Variants in SH2D3C observed in about 807,000 individuals in gnomAD.
SH2D3C encodes SH2 domain-containing protein 3C.
Under a neutral mutation model 75.2 loss-of-function variants are expected in SH2D3C, and 25 were observed. The ratio of observed to expected loss-of-function variants is 0.33; its 90% confidence interval spans 0.24 to 0.46. SH2D3C has a LOEUF of 0.46. SH2D3C is among the 20% of genes least tolerant of loss of function. SH2D3C has a pLI of 1.00. For missense variants in SH2D3C, 933 were observed against 1,165.3 expected (o/e 0.80, Z 2.90); for synonymous variants, 450 against 473.7 (o/e 0.95, Z 0.65).
intron 2 of SH2D3C, among the ~76,000 whole-genome samples, chr9:127,764,331 C>A (rs533702385): frequency 6.6e-6 from 1 of 152,296 alleles, no homozygotes; most frequent in Admixed American, 6.5e-5. Context: ...TCACCATGTC[C>A]AGTTACAATC....
intron 6 of SH2D3C, among the ~76,000 whole-genome samples, chr9:127,745,333 C>A (rs995822526): frequency 3.3e-5 from 5 of 152,076 alleles, no homozygotes; most frequent in Admixed American, 3.3e-4. Flanking sequence ...CACCCTGAGG[C>A]TGCTGCAGCC....
chr9:127,755,151 C>G, intron 3 of SH2D3C: 1 of 1,218,906 alleles, frequency 8.2e-7, no homozygotes, highest in Non-Finnish European at 1.0e-6. Flanking sequence ...GGCTGCACCG[C>G]TCGGTCATGG....
chr9:127,762,186 C>T, intron 2 of SH2D3C: 1 of 1,184,912 alleles, frequency 8.4e-7, no homozygotes, highest in Non-Finnish European at 1.1e-6. Context: ...TGCGGAGCCA[C>T]TGCCGGTGCT....
At chr9:127,753,624 G>A (rs1186240115) in intron 3 of SH2D3C, among the ~76,000 whole-genome samples, 1 of 152,172 alleles carries the variant, frequency 6.6e-6, no homozygotes, top group Admixed American at 6.5e-5. Context: ...TCTCCAAGGG[G>A]TCCCCTACTT....
intron 2 of SH2D3C, chr9:127,771,388 G>T (rs764653511): frequency 1.5e-6 from 2 of 1,321,666 alleles, no homozygotes; most frequent in East Asian, 3.1e-5. Context: ...CTCCTTGCCC[G>T]GCCCCACTCC....
At chr9:127,778,558 T>C in intron 1 of SH2D3C, 33 bp downstream of exon 1, 1 of 1,553,690 alleles carries the variant, frequency 6.4e-7, no homozygotes, top group Non-Finnish European at 8.9e-7. Context: ...GAGCCAGGGA[T>C]GGAGGACAGT....
Position 127,774,073 on chromosome 9 carries a change from C to T in SH2D3C, c.432G>A (p.Val144=), listed in dbSNP as rs1845775089. The T allele has an allele frequency of 1.2e-6, 2 of 1,614,096 alleles. No homozygotes were observed. Among genetic ancestry groups the T allele is most frequent in the South Asian group, 1.1e-5 (1 of 91,082 alleles). ...TPAMEPNPSA[V]EVDPIRKPEV... is the part of the protein sequence containing the mutation. Reference sequence around the variant, plus strand: ...CAGGCTTTCTGATGGGGTCTACCTCCACTGCTGAAGGGTTGGGTTCCATTG... The same window carrying T: ...CAGGCTTTCTGATGGGGTCTACCTCTACTGCTGAAGGGTTGGGTTCCATTG... The change falls in exon 2 of 12, where the codon GTG becomes GTA. Residue 144 remains valine, a synonymous_variant. Coordinates refer to ENST00000314830, the MANE Select transcript of SH2D3C (RefSeq NM_170600.3). The surrounding 1 kb of genome is among the most constrained non-coding windows in gnomAD (Gnocchi z 4.3).
At chr9:127,740,718 T>C (rs1844829694) in intron 9 of SH2D3C, among the ~76,000 whole-genome samples, 1 of 152,252 alleles carries the variant, frequency 6.6e-6, no homozygotes, top group South Asian at 2.1e-4. Flanking sequence ...TCTCATTCTG[T>C]CACCCAGGCT....
Position 127,767,124 on chromosome 9 carries a change from C to T in SH2D3C, c.516-5474G>A, listed in dbSNP as rs1327704111. On this transcript the variant is annotated intron_variant, in intron 2 of 11. Transcript: ENST00000314830. ...TCTGCTCCCTCTCCACCGTCTGGAG[C>T]CCTCAGTTTTCCTGAGTGGGCTGCA... 7.8e-6 allele frequency: 12 copies of T among 1,535,822 alleles called. No homozygotes were observed. In the East Asian group the frequency reaches 1.2e-4, roughly 16 times the overall value.
intron 2 of SH2D3C, among the ~76,000 whole-genome samples, chr9:127,762,996 C>G (rs1845566025): frequency 1.3e-5 from 2 of 152,234 alleles, no homozygotes; most frequent in African/African-American, 4.8e-5. Flanking sequence ...CGACAGCCAC[C>G]CTGCCGACCC....
chr9:127,760,862 CTTT>C (rs534276504), intron 3 of SH2D3C, among the ~76,000 whole-genome samples: 9 of 151,254 alleles, frequency 6.0e-5, no homozygotes, highest in African/African-American at 1.2e-4. Flanking sequence ...ACTGCATTTT[CTTT>C]TTTTTTCTTT....
At chr9:127,772,671 C>T (rs1331517710) in intron 2 of SH2D3C, among the ~76,000 whole-genome samples, 2 of 152,020 alleles carry the variant, frequency 1.3e-5, no homozygotes, top group East Asian at 1.9e-4. Flanking sequence ...AGGGGTCTCC[C>T]GGGGTGTGAA....
chr9:127,761,646 C>T lies in SH2D3C; in HGVS notation c.520G>A (p.Ala174Thr). Residue 174 changes from alanine to threonine, a missense_variant, in exon 3 of 12, where the codon GCT (alanine) becomes ACT (threonine). Transcript: ENST00000314830. ...PPRDVHSERA[A>T]GEPEAGSDYV... is the part of the protein sequence containing the mutation. ...TCGCTGCCAGCCTCTGGCTCTCCAG[C>T]AGCCCTGGAAGGAGAAAAGACAAGT... The T allele has an allele frequency of 6.2e-7, 1 of 1,611,914 alleles. No homozygotes were observed. The highest frequency in any genetic ancestry group is 8.5e-7 in the Non-Finnish European group (1 of 1,178,912).
At chr9:127,757,639 G>GATTATTATTATTATTATT (rs1491164746) in intron 3 of SH2D3C, among the ~76,000 whole-genome samples, 6 of 115,326 alleles carry the variant, frequency 5.2e-5, no homozygotes, top group East Asian at 2.5e-4. Context: ...TGATGATGAT[G>GATTATTATTATTATTATT]ATGATGATTA....
chr9:127,766,812 C>T lies in SH2D3C; in HGVS notation c.516-5162G>A, dbSNP rs752737042. 4.0e-5 allele frequency: 36 copies of T among 900,542 alleles called. No individual in the cohort carries two copies. The Admixed American group carries it at 4.2e-4, about 11-fold the overall frequency. 55.8% of individuals were successfully genotyped at this position (900,542 alleles called of 1,614,324 possible). A position where few individuals can be genotyped will look rare whatever the true frequency, so the allele number is the denominator to read the frequency against. On this transcript the variant is annotated intron_variant, in intron 2 of 11. Transcript: ENST00000314830. The stretch of plus-strand genomic sequence containing the variant: ...CTTGAACTCCTGGCATCAGGTGATC[C>T]ACCTGCCTTGGCCTCCCAAAGTGCT...
chr9:127,771,653 G>A (rs535571921), intron 2 of SH2D3C, among the ~76,000 whole-genome samples: 1 of 151,960 alleles, frequency 6.6e-6, no homozygotes, highest in South Asian at 2.1e-4. Context: ...CCGCTCCCGC[G>A]AAACTCGGCT....
At chr9:127,777,954 A>T (rs1194232913) in intron 1 of SH2D3C, among the ~76,000 whole-genome samples, 1 of 128,704 alleles carries the variant, frequency 7.8e-6, no homozygotes, top group Admixed American at 7.5e-5. Context: ...CCCGGTCTCT[A>T]AAAAAAAAAA....
At chr9:127,775,743 A>G (rs1845799549) in intron 1 of SH2D3C, among the ~76,000 whole-genome samples, 1 of 151,900 alleles carries the variant, frequency 6.6e-6, no homozygotes, top group South Asian at 2.1e-4. Flanking sequence ...CCAGGAGTTC[A>G]AGGTTGCCGT....
intron 6 of SH2D3C, among the ~76,000 whole-genome samples, chr9:127,746,925 C>T (rs977765426): frequency 6.6e-6 from 1 of 152,180 alleles, no homozygotes; most frequent in African/African-American, 2.4e-5. Flanking sequence ...AAGAGCAAAA[C>T]TGTCACAAAA....
Sources: allele counts gnomAD v4.1 joint callset (sites outside exome capture counted in the v4.1 genomes callset), GRCh38; gene constraint gnomAD v4.1.1; non-coding constraint Gnocchi (gnomAD v3.1); transcripts MANE v1.5; gene names NCBI Gene and HGNC (gene_info 2026-07-23, HGNC 2026-07-21).